The following COL11A1 variants were observed in gnomAD, a reference collection of about 807,000 sequenced individuals.
The protein encoded by COL11A1 is collagen type XI alpha 1 chain.
A neutral mutation model predicts 265.2 loss-of-function variants in COL11A1; 74 were observed. The observed-to-expected ratio is 0.28, with a 90% CI of 0.23 to 0.34. The LOEUF is 0.34. Among genes scored for constraint, COL11A1 ranks in the 10% least tolerant of loss-of-function variants. COL11A1 has a pLI of 1.00. For missense variants in COL11A1, 2,165 were observed against 2,263.6 expected (o/e 0.96, Z 0.88); for synonymous variants, 816 against 727.6 (o/e 1.12, Z -1.96).
chr1:103,006,440 G>A (rs1358434579), intron 15 of COL11A1, 125 bp from the exon 16 acceptor site: 2 of 404,694 alleles, frequency 4.9e-6, no homozygotes, highest in Non-Finnish European at 4.0e-6. Flanking sequence ...TCAAACACAA[G>A]AAAATTATTT....
At chr1:102,939,328 C>G (rs1658478464) in intron 43 of COL11A1, among the ~76,000 whole-genome samples, 1 of 152,132 alleles carries the variant, frequency 6.6e-6, no homozygotes, top group Admixed American at 6.6e-5. Context: ...ATTCAAAAAT[C>G]AATTTTGTCT....
intron 1 of COL11A1, among the ~76,000 whole-genome samples, chr1:103,104,863 C>T (rs910063807): frequency 9.9e-5 from 15 of 152,198 alleles, no homozygotes; most frequent in Non-Finnish European, 1.8e-4. Context: ...TGGACAAATT[C>T]GATCTCTTTG....
chr1:102,883,843 C>G (rs1650590121), intron 63 of COL11A1, among the ~76,000 whole-genome samples: 1 of 151,880 alleles, frequency 6.6e-6, no homozygotes. Flanking sequence ...AATGTACTCT[C>G]TCTTTGAAGG....
intron 54 of COL11A1, among the ~76,000 whole-genome samples, chr1:102,905,680 G>A (rs2100977409): frequency 1.3e-5 from 2 of 152,062 alleles, no homozygotes; most frequent in African/African-American, 4.8e-5. Context: ...GAGTTTAAAT[G>A]CTTCTATTTT....
At chr1:102,926,882 T>G (rs919938769) in intron 46 of COL11A1, among the ~76,000 whole-genome samples, 1 of 152,186 alleles carries the variant, frequency 6.6e-6, no homozygotes, top group Non-Finnish European at 1.5e-5. Flanking sequence ...GTGGTACTTA[T>G]GACTGTTTAC....
At chr1:103,048,508 G>T (rs1669505250) in intron 4 of COL11A1, among the ~76,000 whole-genome samples, 1 of 151,806 alleles carries the variant, frequency 6.6e-6, no homozygotes, top group African/African-American at 2.4e-5. Context: ...TATTAGTCTT[G>T]CTAGCAGTCT....
intron 54 of COL11A1, among the ~76,000 whole-genome samples, chr1:102,899,736 A>G (rs950585597): frequency 4.6e-5 from 7 of 152,104 alleles, no homozygotes. Context: ...TTTTCATAAT[A>G]AATTGTGCTC....
chr1:103,051,506 C>G (rs202001172), intron 4 of COL11A1, among the ~76,000 whole-genome samples: 2 of 152,286 alleles, frequency 1.3e-5, no homozygotes, highest in East Asian at 3.9e-4. Flanking sequence ...ATCTGTCACC[C>G]CTTTCTTTGA....
At chr1:102,937,142 A>C (rs1349530221) in intron 44 of COL11A1, among the ~76,000 whole-genome samples, 1 of 152,096 alleles carries the variant, frequency 6.6e-6, no homozygotes, top group African/African-American at 2.4e-5. Context: ...TCAATACATA[A>C]ATATTTTAAA....
At chr1:103,006,601 G>A (rs956014281) in intron 15 of COL11A1, among the ~76,000 whole-genome samples, 6 of 132,538 alleles carry the variant, frequency 4.5e-5, no homozygotes, top group Non-Finnish European at 7.7e-5. Context: ...CCAGCGGCGC[G>A]ATCTCGGCTC....
intron 44 of COL11A1, among the ~76,000 whole-genome samples, chr1:102,938,687 C>T (rs1245166964): frequency 6.6e-6 from 1 of 151,868 alleles, no homozygotes; most frequent in Non-Finnish European, 1.5e-5. Context: ...AATAAGTGAC[C>T]AATTTGTATA....
chr1:103,056,425 A>G (rs996434023), intron 4 of COL11A1, among the ~76,000 whole-genome samples: 7 of 152,168 alleles, frequency 4.6e-5, no homozygotes, highest in Admixed American at 1.3e-4. Context: ...GAAAATACCA[A>G]TATTCTGACA....
chr1:103,086,401 C>T (rs1012046357), intron 1 of COL11A1, among the ~76,000 whole-genome samples: 1 of 150,650 alleles, frequency 6.6e-6, no homozygotes, highest in Admixed American at 6.6e-5. Context: ...AAGTCCACAA[C>T]GTATCTATTT....
intron 3 of COL11A1, among the ~76,000 whole-genome samples, chr1:103,075,205 C>A (rs1671883629): frequency 6.6e-6 from 1 of 152,148 alleles, no homozygotes; most frequent in Non-Finnish European, 1.5e-5. Context: ...CTCTAGTGAT[C>A]CCCTGAGATT....
At chr1:102,918,535 G>A (rs561830685) in intron 49 of COL11A1, among the ~76,000 whole-genome samples, 1 of 151,858 alleles carries the variant, frequency 6.6e-6, no homozygotes, top group Admixed American at 6.6e-5. Context: ...TTAGAAATTT[G>A]TAATCTATTA....
In COL11A1 at chr1:103,015,700, G is replaced by T. The variant is rs1329454071; in HGVS notation, c.1456C>A (p.Pro486Thr). 1 of 1,609,376 alleles carries T rather than the reference G, an allele frequency of 6.2e-7. No individual in the cohort carries two copies. The highest frequency in any genetic ancestry group is 8.5e-7 in the Non-Finnish European group (1 of 1,177,452). Residue 486 changes from proline to threonine, a missense_variant, in exon 12 of 67, where the codon CCT becomes ACT. Coordinates refer to ENST00000370096, the MANE Select transcript of COL11A1 (RefSeq NM_001854.4). ...RPGLPGADGL[P>T]GPPGTMLMLP... Reference sequence around the variant, plus strand: ...ATCAACATAGTACCAGGAGGACCAGGTAGACCATCAGCCCCTGGTAAGCCA... The same window carrying T: ...ATCAACATAGTACCAGGAGGACCAGTTAGACCATCAGCCCCTGGTAAGCCA...
intron 15 of COL11A1, among the ~76,000 whole-genome samples, chr1:103,007,767 G>C (rs1202985576): frequency 2.6e-5 from 4 of 151,572 alleles, no homozygotes; most frequent in African/African-American, 9.7e-5. Flanking sequence ...GGCTAAAGTA[G>C]GAGGATCCTT....
At chr1:103,007,107 G>T (rs1220014160) in intron 15 of COL11A1, among the ~76,000 whole-genome samples, 1 of 152,022 alleles carries the variant, frequency 6.6e-6, no homozygotes. Context: ...ATTGTGAACT[G>T]CTAAAGTCTT....
chr1:103,000,851 C>T (rs72683295), intron 24 of COL11A1, among the ~76,000 whole-genome samples: 2,848 of 151,970 alleles, frequency 0.019, 42 homozygotes, highest in Non-Finnish European at 0.03. Context: ...ATAAACTACA[C>T]CTATTCTATC....
Sources: allele counts gnomAD v4.1 joint callset (sites outside exome capture counted in the v4.1 genomes callset), GRCh38; gene constraint gnomAD v4.1.1; transcripts MANE v1.5; gene names NCBI Gene and HGNC (gene_info 2026-07-23, HGNC 2026-07-21).